The following CELF2 variants were observed in gnomAD, a reference collection of about 807,000 sequenced individuals.
CELF2 encodes CUGBP Elav-like family member 2.
CELF2 carries 8 observed loss-of-function variants against 62.6 expected under a neutral mutation model. The ratio of observed to expected loss-of-function variants is 0.13; its 90% CI spans 0.07 to 0.23. The LOEUF (loss-of-function observed/expected upper bound fraction) is 0.23, where lower values mean the gene tolerates loss of function less well. CELF2 is among the 10% of genes least tolerant of loss of function. The pLI is 1.00. For missense variants in CELF2, 333 were observed against 671.0 expected, an observed-to-expected ratio of 0.50 and a Z score of 5.56; for synonymous variants, 258 against 250.0, an observed-to-expected ratio of 1.03 and a Z score of -0.30.
At chr10:10,898,218 A>T (rs2062698375) in intron 1 of CELF2, among the ~76,000 whole-genome samples, 1 of 152,184 alleles carries the variant, frequency 6.6e-6, no homozygotes, top group South Asian at 2.1e-4. Flanking sequence ...GACGGACAAG[A>T]ATTTTCCCAG....
chr10:10,976,622 G>A (rs149249096), intron 2 of CELF2, among the ~76,000 whole-genome samples: 4 of 152,014 alleles, frequency 2.6e-5, no homozygotes, highest in East Asian at 3.9e-4. Context: ...TGATTCTCAG[G>A]TTCCTAATCA....
chr10:10,993,536 G>A lies in CELF2; in HGVS notation c.89+73537G>A, dbSNP rs925285886. On this transcript the variant is annotated intron_variant, in intron 2 of 13. Coordinates refer to the CELF2 transcript ENST00000636488. This position sits in a 1 kb window ranked among gnomAD's most constrained non-coding sequence, Gnocchi z 5.3. The stretch of plus-strand genomic sequence containing the variant: ...GAAGTCTAACAGCCTAAGCCACTGG[G>A]AACACACTTGTAGTCAAAGCTATAT... Among the ~76,000 whole-genome samples, 2 of 152,130 alleles carry A rather than the reference G, an allele frequency of 1.3e-5. No individual in the cohort carries two copies. Among genetic ancestry groups the A allele is most frequent in the African/African-American group, 4.8e-5 (2 of 41,440 alleles).
chr10:11,061,920 C>T (rs968959463), intron 1 of CELF2, among the ~76,000 whole-genome samples: 2 of 144,558 alleles, frequency 1.4e-5, no homozygotes, highest in Non-Finnish European at 3.2e-5. Flanking sequence ...TCAAACAATT[C>T]TCCTGCCTCA....
chr10:10,686,701 CATGA>C, the CELF2 span, among the ~76,000 whole-genome samples: 37 of 152,286 alleles, frequency 2.4e-4, no homozygotes, highest in African/African-American at 6.5e-4. Context: ...CACCTTCCGC[CATGA>C]TCGTGAGTTG....
chr10:10,535,162 C>T, the CELF2 span, among the ~76,000 whole-genome samples: 1 of 152,174 alleles, frequency 6.6e-6, no homozygotes, highest in Non-Finnish European at 1.5e-5. Context: ...CAGATGAAAT[C>T]AACAGCACTT....
At chr10:10,506,269 CGTGTGT>C in the CELF2 span, among the ~76,000 whole-genome samples, 700 of 146,802 alleles carry the variant, frequency 4.8e-3, 4 homozygotes, top group Middle Eastern at 0.021. Context: ...AGATGCACTT[CGTGTGT>C]GTGTGTGTGT....
At chr10:11,057,171 C>T (rs1327844492) in intron 1 of CELF2, among the ~76,000 whole-genome samples, 3 of 152,002 alleles carry the variant, frequency 2.0e-5, no homozygotes, top group East Asian at 1.9e-4. Context: ...CCTGAAAGAA[C>T]AAAAAGTCCC....
chr10:10,966,255 C>A (rs2050111711), intron 2 of CELF2, among the ~76,000 whole-genome samples: 1 of 152,216 alleles, frequency 6.6e-6, no homozygotes, highest in Non-Finnish European at 1.5e-5. Flanking sequence ...ACCCCTTTGC[C>A]CTCTCCCTTT....
chr10:10,903,386 CCT>C (rs1591717152), intron 1 of CELF2, among the ~76,000 whole-genome samples: 1 of 152,178 alleles, frequency 6.6e-6, no homozygotes, highest in East Asian at 1.9e-4. Context: ...ACACATACCT[CCT>C]TTCTACTTAC....
chr10:11,242,972 G>C lies in CELF2; in HGVS notation c.355-6181G>C, dbSNP rs540614097. Reference sequence around the variant, plus strand: ...TGCTGGGTCAGAACCAAACCACTGCGTGCTGTCGTGGGTGCAGAAGCTTAG... The same window carrying C: ...TGCTGGGTCAGAACCAAACCACTGCCTGCTGTCGTGGGTGCAGAAGCTTAG... On this transcript the variant is annotated intron_variant, in intron 3 of 12. Coordinates refer to ENST00000633077, the MANE Select transcript of CELF2 (RefSeq NM_001326342.2). The surrounding 1 kb of genome is among the most constrained non-coding windows in gnomAD (Gnocchi z 4.8). Among the ~76,000 whole-genome samples, 2 of 152,150 alleles carry C rather than the reference G, an allele frequency of 1.3e-5. No individual in the cohort carries two copies. The highest frequency in any genetic ancestry group is 2.9e-5 in the Non-Finnish European group (2 of 68,026).
intron 1 of CELF2, among the ~76,000 whole-genome samples, chr10:11,033,239 T>C (rs1415543706): frequency 6.7e-6 from 1 of 149,482 alleles, no homozygotes; most frequent in East Asian, 2.0e-4. Flanking sequence ...TCACAAATAC[T>C]GTCTCAATGT....
At chr10:10,868,217 CT>C (rs2060505494) in intron 1 of CELF2, among the ~76,000 whole-genome samples, 1 of 152,172 alleles carries the variant, frequency 6.6e-6, no homozygotes, top group African/African-American at 2.4e-5. Context: ...GCATTTCTTA[CT>C]GGGCTCTCTT....
In CELF2 at chr10:11,157,882, C is replaced by G. The variant is rs1596335236; in HGVS notation, c.75-7604C>G. On this transcript the variant is annotated intron_variant, in intron 1 of 12. Coordinates refer to ENST00000633077, the MANE Select transcript of CELF2 (RefSeq NM_001326342.2). This position sits in a 1 kb window ranked among gnomAD's most constrained non-coding sequence, Gnocchi z 4.9. ...CTTCAGTGGTGAAAACAGAAGTTAC[C>G]TGCCTTGAGAAGCACAGTCACCACA... 6.6e-6 allele frequency among the ~76,000 whole-genome samples: 1 copy of G among 152,176 alleles called. No individual in the cohort carries two copies. The highest frequency in any genetic ancestry group is 2.4e-5 in the African/African-American group (1 of 41,420).
intron 2 of CELF2, among the ~76,000 whole-genome samples, chr10:10,971,464 G>A (rs1010238496): frequency 6.6e-6 from 1 of 152,118 alleles, no homozygotes; most frequent in African/African-American, 2.4e-5. Context: ...ATCCTGAGAT[G>A]TCCAACTCAT....
chr10:11,239,904 A>C (rs1285328572), intron 3 of CELF2, among the ~76,000 whole-genome samples: 1 of 152,164 alleles, frequency 6.6e-6, no homozygotes, highest in Admixed American at 6.5e-5. Flanking sequence ...AATACAAAAA[A>C]TTAGCCAGGC....
In CELF2 at chr10:11,244,899, C is replaced by G. The variant is rs909564762; in HGVS notation, c.355-4254C>G. ...ACGCCTTCCCCAGCGTGTCCTTCCTCCATCTGTGTCTGGTGTCTCTTCTCT... is the reference window on the plus strand; with the variant it reads ...ACGCCTTCCCCAGCGTGTCCTTCCTGCATCTGTGTCTGGTGTCTCTTCTCT... On this transcript the variant is annotated intron_variant, in intron 3 of 12. Transcript: ENST00000633077. The surrounding 1 kb of genome is among the most constrained non-coding windows in gnomAD (Gnocchi z 4.2). 4.6e-5 allele frequency among the ~76,000 whole-genome samples: 7 copies of G among 152,298 alleles called. No individual in the cohort carries two copies. The highest frequency in any genetic ancestry group is 1.7e-4 in the African/African-American group (7 of 41,576).
chr10:11,321,406 C>A lies in CELF2; in HGVS notation c.1294+20C>A. On this transcript the variant is annotated intron_variant, in intron 11 of 12. Coordinates refer to ENST00000633077, the MANE Select transcript of CELF2 (RefSeq NM_001326342.2). The surrounding 1 kb of genome is among the most constrained non-coding windows in gnomAD (Gnocchi z 6.2). ...AGGAAGGTAGGTGCCGCCCTTGGCC[C>A]CAGGCAGGGCCCAGCCCAACAGGCA... The A allele has an allele frequency of 3.1e-6, 5 of 1,596,400 alleles. No homozygotes were observed. The highest frequency in any genetic ancestry group is 3.4e-6 in the Non-Finnish European group (4 of 1,176,610).
chr10:10,772,701 G>A, the CELF2 span, among the ~76,000 whole-genome samples: 1 of 152,204 alleles, frequency 6.6e-6, no homozygotes, highest in Non-Finnish European at 1.5e-5. Context: ...AGCTATAGAG[G>A]AGAAGCTCAA....
At chr10:10,863,954 T>C (rs1242090599) in intron 1 of CELF2, among the ~76,000 whole-genome samples, 1 of 152,234 alleles carries the variant, frequency 6.6e-6, no homozygotes, top group Non-Finnish European at 1.5e-5. Flanking sequence ...GCTTGTCCCT[T>C]ACGCTTCTTT....
Sources: gnomAD v4.1 joint callset for allele counts (sites outside exome capture counted in the v4.1 genomes callset) on GRCh38, gnomAD v4.1.1 for gene constraint, Gnocchi (gnomAD v3.1) non-coding constraint, MANE v1.5 for transcripts, NCBI Gene and HGNC (gene_info 2026-07-23, HGNC 2026-07-21) for gene names.